AFF4: variants seen among roughly 807,000 people sequenced by gnomAD.
AFF4 encodes the protein AF4/FMR2 family member 4.
A neutral mutation model predicts 124.8 loss-of-function variants in AFF4; 13 were observed. The observed-to-expected ratio is 0.10, with a 90% CI of 0.07 to 0.17. AFF4 has a LOEUF of 0.17. Ranked by LOEUF, AFF4 falls within the 10% of genes least tolerant of loss-of-function variation. The pLI is 1.00. For missense variants in AFF4, 1,092 were observed against 1,403.8 expected (o/e 0.78, Z 3.55); for synonymous variants, 477 against 496.1 (o/e 0.96, Z 0.51).
chr5:132,939,101 T>C (rs66480446), intron 1 of AFF4, among the ~76,000 whole-genome samples: 17,433 of 149,890 alleles, frequency 0.12, 1,282 homozygotes, highest in South Asian at 0.21. Flanking sequence ...ACACCTGTAA[T>C]AGCTTCTCGG....
intron 6 of AFF4, among the ~76,000 whole-genome samples, chr5:132,902,955 G>A (rs1760587369): frequency 1.3e-5 from 2 of 152,114 alleles, no homozygotes; most frequent in African/African-American, 4.8e-5. Context: ...TAATTTTAAG[G>A]TTAAACAATG....
rs770011399 is a variant in AFF4, at chr5:132,888,013, A to G, written c.2797-31T>C. The G allele has an allele frequency of 2.5e-6, 4 of 1,611,452 alleles. No homozygotes were observed. The Admixed American group carries it at 6.7e-5, about 27-fold the overall frequency. On this transcript the variant is annotated intron_variant, in intron 15 of 20. Coordinates refer to ENST00000265343, the MANE Select transcript of AFF4 (RefSeq NM_014423.4). ...GAAAGGAGAATGCAAGTAATGAGTA[A>G]TGATCTACTATGGCTACAAACATCA...
intron 2 of AFF4, 141 bp downstream of exon 2, chr5:132,936,926 C>A (rs1581321126): frequency 8.8e-7 from 1 of 1,130,920 alleles, no homozygotes; most frequent in Non-Finnish European, 1.2e-6. Flanking sequence ...CAAAAAATAT[C>A]TTCTATGTAA....
At chr5:132,953,131 G>A (rs1561513264) in intron 1 of AFF4, among the ~76,000 whole-genome samples, 1 of 150,086 alleles carries the variant, frequency 6.7e-6, no homozygotes, top group Non-Finnish European at 1.5e-5. Context: ...TTCAAGACCA[G>A]CCTAGGCAAC....
chr5:132,952,740 CA>C (rs930483753), intron 1 of AFF4, among the ~76,000 whole-genome samples: 7 of 151,572 alleles, frequency 4.6e-5, no homozygotes, highest in Non-Finnish European at 1.0e-4. Flanking sequence ...CTAAAAATAA[CA>C]AAAAAAATTA....
intron 6 of AFF4, 140 bp downstream of exon 6, chr5:132,904,228 G>GAAAA: frequency 1.7e-5 from 9 of 524,644 alleles, no homozygotes; most frequent in South Asian, 5.1e-5. Flanking sequence ...CTACACTCCA[G>GAAAA]AAAAAAAAAA....
chr5:132,894,806 T>C (rs994148612), intron 11 of AFF4, among the ~76,000 whole-genome samples: 3 of 151,766 alleles, frequency 2.0e-5, no homozygotes, highest in Non-Finnish European at 4.4e-5. Flanking sequence ...TATAAAAAAT[T>C]AGCCAGGTGT....
At chr5:132,936,455 A>G (rs938466610) in intron 2 of AFF4, among the ~76,000 whole-genome samples, 1 of 152,174 alleles carries the variant, frequency 6.6e-6, no homozygotes, top group African/African-American at 2.4e-5. Flanking sequence ...AAAAGAAATC[A>G]GACTGATACT....
intron 5 of AFF4, among the ~76,000 whole-genome samples, chr5:132,920,890 G>A (rs1761026722): frequency 6.6e-6 from 1 of 152,196 alleles, no homozygotes; most frequent in South Asian, 2.1e-4. Context: ...CACTTTGGGA[G>A]GCCGGGGTGG....
At chr5:132,959,663 C>T (rs1157653239) in intron 1 of AFF4, among the ~76,000 whole-genome samples, 1 of 141,162 alleles carries the variant, frequency 7.1e-6, no homozygotes, top group African/African-American at 2.5e-5. Flanking sequence ...GTAACTGGAA[C>T]ATATATTACT....
At chr5:132,924,318 T>C (rs2082899197) in intron 5 of AFF4, among the ~76,000 whole-genome samples, 1 of 152,038 alleles carries the variant, frequency 6.6e-6, no homozygotes, top group African/African-American at 2.4e-5. Context: ...ATTACAAAAC[T>C]AAATACTGAG....
chr5:132,901,326 A>G (rs560508209), intron 7 of AFF4, among the ~76,000 whole-genome samples: 6 of 152,348 alleles, frequency 3.9e-5, no homozygotes, highest in African/African-American at 7.2e-5. Context: ...TTACATATAA[A>G]TAAGTATGAT....
intron 5 of AFF4, among the ~76,000 whole-genome samples, chr5:132,907,618 G>A (rs191463117): frequency 0.011 from 1,723 of 152,230 alleles, 26 homozygotes; most frequent in African/African-American, 0.038. Flanking sequence ...GTATGCATGT[G>A]TGCATATGTG....
rs771018012 is a variant in AFF4, at chr5:132,934,555, T to C, written c.510A>G (p.Gly170=). The change falls in exon 3 of 21, where the codon GGA becomes GGG. Residue 170 remains glycine, a synonymous_variant. Coordinates refer to ENST00000265343, the MANE Select transcript of AFF4 (RefSeq NM_014423.4). The part of the protein sequence containing the change: ...GSSSRKKGQH[G]SEHSKSRSSS... Reference sequence around the variant, plus strand: ...AAGAACGTGATTTGGAGTGTTCTGATCCATGCTGGCCTTTTTTCCGGCTAC... The same window carrying C: ...AAGAACGTGATTTGGAGTGTTCTGACCCATGCTGGCCTTTTTTCCGGCTAC... 5 of 1,614,044 alleles carry C rather than the reference T, an allele frequency of 3.1e-6. No individual in the cohort carries two copies. Among genetic ancestry groups the C allele is most frequent in the Admixed American group, 1.7e-5 (1 of 59,994 alleles).
At position 132,879,249 on chromosome 5, in the gene AFF4, T is replaced by TA; in HGVS notation, c.*1809dup. 1 of 219,236 alleles carries TA rather than the reference T, an allele frequency of 4.6e-6. No individual in the cohort carries two copies. The highest frequency in any genetic ancestry group is 9.2e-6 in the Non-Finnish European group (1 of 109,130). 13.6% of individuals were successfully genotyped at this position (219,236 alleles called of 1,614,324 possible). ...AGTTCACTAACTTCAGAAATAAGTG[T>TA]AAAAAAGTCTCAAACACAAAGGATT... On this transcript the variant is annotated 3_prime_UTR_variant, in exon 21 of 21. Transcript: ENST00000265343.
intron 1 of AFF4, among the ~76,000 whole-genome samples, chr5:132,954,571 G>C (rs909346635): frequency 1.8e-5 from 2 of 108,668 alleles, no homozygotes; most frequent in Non-Finnish European, 4.3e-5. Flanking sequence ...TTTTTGAGAC[G>C]GAGTCTCGCT....
At chr5:132,949,738 C>T (rs59702395) in intron 1 of AFF4, among the ~76,000 whole-genome samples, 59,323 of 150,526 alleles carry the variant, frequency 0.39, 12,162 homozygotes, top group East Asian at 0.5. Flanking sequence ...GGTGAGTGCC[C>T]GCAGTCCCGG....
At chr5:132,928,230 AAAAC>A (rs1171911621) in intron 4 of AFF4, among the ~76,000 whole-genome samples, 1 of 152,104 alleles carries the variant, frequency 6.6e-6, no homozygotes, top group African/African-American at 2.4e-5. Context: ...AAAAAACAAA[AAAAC>A]AAACAAAAAA....
Position 132,898,122 on chromosome 5 carries a change from T to G in AFF4, c.1389+108A>C, listed in dbSNP as rs916499825. 1.6e-5 allele frequency: 22 copies of G among 1,371,972 alleles called. No homozygotes were observed. The Admixed American group carries it at 5.0e-4, about 31-fold the overall frequency. The allele number at this position is 1,371,972 out of a possible 1,614,324, so 85.0% of individuals were successfully genotyped here. On this transcript the variant is annotated intron_variant, in intron 10 of 20. Transcript: ENST00000265343. ...ACAGTACAATTTCTTTTTGTCAGACTATGGAACCTTCTTTCCTTCTCCTTT... is the reference window on the plus strand; with the variant it reads ...ACAGTACAATTTCTTTTTGTCAGACGATGGAACCTTCTTTCCTTCTCCTTT...
Sources: allele counts gnomAD v4.1 joint callset (sites outside exome capture counted in the v4.1 genomes callset), GRCh38; gene constraint gnomAD v4.1.1; transcripts MANE v1.5; gene names NCBI Gene and HGNC (gene_info 2026-07-23, HGNC 2026-07-21).